LPAR1: variants seen among roughly 807,000 people sequenced by gnomAD.
LPAR1 encodes the protein LPA receptor 1.
In LPAR1, 5 loss-of-function variants were observed where a neutral mutation model predicts 23.8. The observed-to-expected ratio is 0.21, with a 90% CI of 0.11 to 0.44. The LOEUF (loss-of-function observed/expected upper bound fraction) is 0.44. Ranked by LOEUF, LPAR1 falls within the 20% of genes least tolerant of loss-of-function variation. The probability of loss-of-function intolerance (pLI) is 0.99; values close to 1 mark genes in which losing one functional copy is unlikely to be tolerated. For synonymous variants in LPAR1, 160 were observed against 164.7 expected, an observed-to-expected ratio of 0.97 and a Z score of 0.22; for missense variants, 311 against 482.8, an observed-to-expected ratio of 0.64 and a Z score of 3.33.
At chr9:111,010,942 T>C (rs1588849132) in intron 2 of LPAR1, among the ~76,000 whole-genome samples, 1 of 152,216 alleles carries the variant, frequency 6.6e-6, no homozygotes, top group East Asian at 1.9e-4. Context: ...TTTGAAAAAG[T>C]GATTCTGCAG....
chr9:110,997,571 C>T (rs1276234540), intron 2 of LPAR1, among the ~76,000 whole-genome samples: 1 of 152,160 alleles, frequency 6.6e-6, no homozygotes, highest in Non-Finnish European at 1.5e-5. Context: ...GATGGTATAG[C>T]ACCCATGAAA....
chr9:111,014,564 G>C (rs1159838240), intron 2 of LPAR1, among the ~76,000 whole-genome samples: 1 of 151,974 alleles, frequency 6.6e-6, no homozygotes, highest in Non-Finnish European at 1.5e-5. Context: ...ACATTAGAAT[G>C]ACCAGGTGTC....
intron 5 of LPAR1, among the ~76,000 whole-genome samples, chr9:110,889,438 T>C (rs958604284): frequency 2.6e-5 from 4 of 152,160 alleles, no homozygotes; most frequent in African/African-American, 9.6e-5. Flanking sequence ...TAGGTGCATA[T>C]ACTCAGTGTG....
intron 2 of LPAR1, among the ~76,000 whole-genome samples, chr9:111,029,042 C>T (rs2141441428): frequency 6.6e-6 from 1 of 152,276 alleles, no homozygotes; most frequent in South Asian, 2.1e-4. Context: ...ATAGTAAACG[C>T]TCAACAAATG....
At chr9:111,022,475 A>G (rs1208713746) in intron 2 of LPAR1, among the ~76,000 whole-genome samples, 1 of 152,142 alleles carries the variant, frequency 6.6e-6, no homozygotes, top group African/African-American at 2.4e-5. Context: ...GGGGGGAATG[A>G]ACACTAAAAT....
intron 4 of LPAR1, among the ~76,000 whole-genome samples, chr9:110,963,636 T>C (rs944598369): frequency 6.6e-6 from 1 of 152,050 alleles, no homozygotes; most frequent in Non-Finnish European, 1.5e-5. Context: ...TGTGCACATG[T>C]ACCCTAAAAC....
chr9:110,942,190 A>G, intron 4 of LPAR1, 22 bp from the exon 5 acceptor site: 1 of 1,576,500 alleles, frequency 6.3e-7, no homozygotes. Context: ...AGGAGAAAAG[A>G]TGATGAAAAA....
intron 4 of LPAR1, among the ~76,000 whole-genome samples, chr9:110,952,621 G>T (rs1468621884): frequency 6.6e-6 from 1 of 152,116 alleles, no homozygotes; most frequent in African/African-American, 2.4e-5. Context: ...CTGAGGAAAG[G>T]CTACTCTGCT....
intron 2 of LPAR1, among the ~76,000 whole-genome samples, chr9:111,022,030 G>A (rs1398708486): frequency 7.0e-6 from 1 of 143,424 alleles, no homozygotes; most frequent in Non-Finnish European, 1.5e-5. Flanking sequence ...CTTCCATGTT[G>A]TAATGAGAAG....
chr9:110,975,011 T>C (rs1564217326), intron 2 of LPAR1, among the ~76,000 whole-genome samples: 1 of 152,190 alleles, frequency 6.6e-6, no homozygotes, highest in Non-Finnish European at 1.5e-5. Context: ...TTTCTCCCTC[T>C]TATGTATTTA....
intron 5 of LPAR1, among the ~76,000 whole-genome samples, chr9:110,909,479 G>A (rs1016766028): frequency 1.8e-4 from 27 of 151,866 alleles, no homozygotes; most frequent in African/African-American, 6.3e-4. Context: ...TATAAGTTAC[G>A]TGATCCTAGC....
intron 2 of LPAR1, among the ~76,000 whole-genome samples, chr9:111,008,735 A>G (rs1463943608): frequency 6.6e-6 from 1 of 152,188 alleles, no homozygotes; most frequent in African/African-American, 2.4e-5. Context: ...CTTGCCCTTA[A>G]TAAACTGGGG....
At chr9:111,019,068 C>G (rs1197696970) in intron 2 of LPAR1, among the ~76,000 whole-genome samples, 1 of 152,082 alleles carries the variant, frequency 6.6e-6, no homozygotes, top group Non-Finnish European at 1.5e-5. Context: ...GGCCATAAAA[C>G]TAACATGACT....
intron 4 of LPAR1, among the ~76,000 whole-genome samples, chr9:110,961,054 C>G (rs2095955602): frequency 9.2e-6 from 1 of 108,632 alleles, no homozygotes; most frequent in Non-Finnish European, 1.9e-5. Flanking sequence ...TCTTCTACTA[C>G]CTTCCATTAT....
intron 2 of LPAR1, among the ~76,000 whole-genome samples, chr9:111,010,984 T>G (rs750046137): frequency 6.6e-6 from 1 of 152,218 alleles, no homozygotes; most frequent in Non-Finnish European, 1.5e-5. Context: ...ACATAATGTA[T>G]GAACATCAAA....
chr9:110,932,057 T>C (rs1018968824), intron 5 of LPAR1, among the ~76,000 whole-genome samples: 9 of 152,218 alleles, frequency 5.9e-5, no homozygotes, highest in Non-Finnish European at 1.2e-4. Context: ...GCAGGAGTTG[T>C]AGCTGCTTAA....
intron 5 of LPAR1, among the ~76,000 whole-genome samples, chr9:110,896,156 C>T (rs2086265563): frequency 6.6e-6 from 1 of 152,144 alleles, no homozygotes; most frequent in Non-Finnish European, 1.5e-5. Flanking sequence ...TAATGAAGAA[C>T]CTCAAGTCCT....
At chr9:110,924,947 C>T (rs1244140162) in intron 5 of LPAR1, among the ~76,000 whole-genome samples, 3 of 152,146 alleles carry the variant, frequency 2.0e-5, no homozygotes, top group African/African-American at 7.2e-5. Flanking sequence ...ATCCTTCCTA[C>T]CAGACTATAG....
chr9:110,974,073 C>A (rs1348576043), intron 2 of LPAR1, among the ~76,000 whole-genome samples: 2 of 151,910 alleles, frequency 1.3e-5, no homozygotes, highest in African/African-American at 4.8e-5. Context: ...GCAGGAGAAT[C>A]ACTAGAACCC....
Sources: gnomAD v4.1 joint callset for allele counts (sites outside exome capture counted in the v4.1 genomes callset) on GRCh38, gnomAD v4.1.1 for gene constraint, MANE v1.5 for transcripts, NCBI Gene and HGNC (gene_info 2026-07-23, HGNC 2026-07-21) for gene names.